The following DENND4A variants were observed in gnomAD, a reference collection of about 807,000 sequenced individuals.
The protein encoded by DENND4A is C-myc promoter-binding protein.
Under a neutral mutation model 199.3 loss-of-function variants are expected in DENND4A, and 70 were observed. That is an observed-to-expected ratio of 0.35 (90% CI 0.29 to 0.43). The LOEUF is 0.43. Among genes scored for constraint, DENND4A ranks in the 20% least tolerant of loss-of-function variants. The pLI is 1.00. For missense variants in DENND4A, 1,723 were observed against 2,255.8 expected (o/e 0.76, Z 4.78); for synonymous variants, 686 against 766.9 (o/e 0.89, Z 1.74).
At chr15:65,682,697 A>G (rs2076621983) in intron 23 of DENND4A, among the ~76,000 whole-genome samples, 1 of 152,152 alleles carries the variant, frequency 6.6e-6, no homozygotes, top group African/African-American at 2.4e-5. Flanking sequence ...CTTTTGACAT[A>G]CCTTCCTCAT....
chr15:65,695,821 C>T (rs2077125811), intron 22 of DENND4A, among the ~76,000 whole-genome samples: 2 of 151,954 alleles, frequency 1.3e-5, no homozygotes, highest in African/African-American at 2.4e-5. Context: ...ATTTATGTGA[C>T]CTGCCAATCA....
intron 11 of DENND4A, among the ~76,000 whole-genome samples, chr15:65,726,920 C>T (rs762388479): frequency 2.0e-5 from 3 of 151,872 alleles, no homozygotes; most frequent in South Asian, 2.1e-4. Flanking sequence ...TACACCACTG[C>T]GCACTCCAGC....
intron 29 of DENND4A, among the ~76,000 whole-genome samples, chr15:65,666,778 CAAAAAAA>C (rs36113125): frequency 1.1e-5 from 1 of 91,724 alleles, no homozygotes. Context: ...GACCTTGTGT[CAAAAAAA>C]AAAAAAAAAA....
chr15:65,722,745 C>T, intron 12 of DENND4A, 103 bp downstream of exon 12: 1 of 886,500 alleles, frequency 1.1e-6, no homozygotes, highest in East Asian at 3.3e-5. Context: ...AATGGTAAAA[C>T]CGCTTTCTGC....
intron 1 of DENND4A, among the ~76,000 whole-genome samples, chr15:65,777,377 G>A (rs2077310589): frequency 6.6e-6 from 1 of 151,036 alleles, no homozygotes; most frequent in South Asian, 2.1e-4. Flanking sequence ...TTTTAAGACA[G>A]AGTCTTACTC....
intron 23 of DENND4A, among the ~76,000 whole-genome samples, chr15:65,679,494 C>T (rs1022376453): frequency 1.3e-5 from 2 of 151,868 alleles, no homozygotes; most frequent in Admixed American, 6.6e-5. Flanking sequence ...ACTAAATGTT[C>T]TTCTATTTCA....
At chr15:65,706,015 C>G (rs1400648474) in intron 15 of DENND4A, 76 bp downstream of exon 15, 3 of 1,390,774 alleles carry the variant, frequency 2.2e-6, no homozygotes, top group Non-Finnish European at 2.8e-6. Context: ...GAAAATACCA[C>G]AGTCCTTAGA....
intron 3 of DENND4A, among the ~76,000 whole-genome samples, chr15:65,755,161 T>C (rs149300490): frequency 4.6e-5 from 7 of 152,290 alleles, no homozygotes; most frequent in Non-Finnish European, 7.4e-5. Context: ...ATATACATAG[T>C]ATGATTCTAT....
chr15:65,665,628 G>T (rs924960772), intron 29 of DENND4A, among the ~76,000 whole-genome samples, 166 bp from the exon 30 acceptor site: 3 of 152,172 alleles, frequency 2.0e-5, no homozygotes, highest in African/African-American at 7.2e-5. Flanking sequence ...AGGAAGATGG[G>T]CTGTGTGGAA....
chr15:65,744,972 T>C (rs562097925), intron 4 of DENND4A, among the ~76,000 whole-genome samples: 4 of 152,358 alleles, frequency 2.6e-5, no homozygotes, highest in Middle Eastern at 3.4e-3. Context: ...AGTATTTTCA[T>C]GTAAGAAGCC....
intron 20 of DENND4A, 96 bp downstream of exon 20, chr15:65,700,448 A>T: frequency 3.0e-6 from 2 of 665,110 alleles, no homozygotes; most frequent in Non-Finnish European, 4.3e-6. Flanking sequence ...AGTGACAGTT[A>T]AACATCACTG....
intron 11 of DENND4A, among the ~76,000 whole-genome samples, chr15:65,723,213 G>A (rs2075700996): frequency 6.6e-6 from 1 of 151,974 alleles, no homozygotes; most frequent in South Asian, 2.1e-4. Flanking sequence ...CAGTTGCTTT[G>A]GAATCTTGCT....
Position 65,738,826 on chromosome 15 carries a change from C to T in DENND4A, c.681G>A (p.Pro227=), listed in dbSNP as rs371666005. 1.8e-4 allele frequency: 293 copies of T among 1,609,604 alleles called. No homozygotes were observed. The highest frequency in any genetic ancestry group is 2.4e-4 in the Non-Finnish European group (277 of 1,178,224). ...GTAAACAAAATAGAGGAACAGATTC[C>T]GGTAGTGAGAATGACTCATAATCTT... The part of the protein sequence containing the change: ...PQEDYESFSL[P]ESVPLFCLPM... The change falls in exon 6 of 33, where the codon CCG becomes CCA. Residue 227 remains proline (P), a synonymous_variant. Transcript: ENST00000443035.
In DENND4A at chr15:65,718,760, C is replaced by CTT. The variant is rs1038227560; in HGVS notation, c.1589-766_1589-765dup. Reference sequence around the variant, plus strand: ...TCAAAAGTTTTGCATGTTTTTTTTCCTTTTTTTTTTTTTTTTTTTTTTTTT... The same window carrying CTT: ...TCAAAAGTTTTGCATGTTTTTTTTCCTTTTTTTTTTTTTTTTTTTTTTTTTTT... On this transcript the variant is annotated intron_variant, in intron 12 of 32. Transcript: ENST00000443035. 5.5e-3 allele frequency among the ~76,000 whole-genome samples: 373 copies of CTT among 67,722 alleles called. 17 individuals carry two copies. The highest frequency in any genetic ancestry group is 0.012 in the African/African-American group (239 of 20,062). 44.4% of individuals were successfully genotyped at this position (67,722 alleles called of 152,430 possible).
intron 11 of DENND4A, among the ~76,000 whole-genome samples, chr15:65,726,351 A>C (rs1315070047): frequency 6.6e-6 from 1 of 152,198 alleles, no homozygotes; most frequent in East Asian, 1.9e-4. Flanking sequence ...ACCACTGTTA[A>C]TTTCAATTAA....
chr15:65,788,944 C>T (rs938084962), intron 1 of DENND4A, among the ~76,000 whole-genome samples: 2 of 151,532 alleles, frequency 1.3e-5, no homozygotes, highest in Non-Finnish European at 2.9e-5. Flanking sequence ...ATCCGATCAC[C>T]CAGGGATAAC....
At chr15:65,782,392 C>T (rs770580344) in intron 1 of DENND4A, among the ~76,000 whole-genome samples, 3 of 152,190 alleles carry the variant, frequency 2.0e-5, no homozygotes, top group South Asian at 4.1e-4. Flanking sequence ...GACCCTCTTT[C>T]GTTCATTCTC....
intron 15 of DENND4A, among the ~76,000 whole-genome samples, chr15:65,705,083 T>C (rs2142230897): frequency 6.6e-6 from 1 of 152,292 alleles, no homozygotes; most frequent in East Asian, 1.9e-4. Context: ...AAGAGAAATA[T>C]TTTAAATATC....
At chr15:65,679,708 T>C (rs971923815) in intron 23 of DENND4A, among the ~76,000 whole-genome samples, 4 of 151,896 alleles carry the variant, frequency 2.6e-5, no homozygotes, top group African/African-American at 9.7e-5. Flanking sequence ...TTTTTTTTTT[T>C]TCTAGAGATG....
Sources: gnomAD v4.1 joint callset for allele counts (sites outside exome capture counted in the v4.1 genomes callset) on GRCh38, gnomAD v4.1.1 for gene constraint, MANE v1.5 for transcripts, NCBI Gene and HGNC (gene_info 2026-07-23, HGNC 2026-07-21) for gene names.